The following DHX32 variants were observed in gnomAD, a reference collection of about 807,000 sequenced individuals.
The protein encoded by DHX32 is DEAH-box helicase 32 (putative).
A neutral mutation model predicts 70.0 loss-of-function variants in DHX32; 51 were observed. That is an observed-to-expected ratio of 0.73 (90% CI 0.58 to 0.92). The LOEUF (loss-of-function observed/expected upper bound fraction) is 0.92. Among genes scored for constraint, DHX32 ranks in the 40% least tolerant of loss-of-function variants. The pLI is 0.00. For synonymous variants in DHX32, 310 were observed against 315.3 expected (o/e 0.98, Z 0.18); for missense variants, 762 against 891.8 (o/e 0.85, Z 1.85).
chr10:125,884,205 T>A (rs1180195829), upstream of DHX32, among the ~76,000 whole-genome samples: 1 of 152,200 alleles, frequency 6.6e-6, no homozygotes, highest in Non-Finnish European at 1.5e-5. Context: ...TTGACTCCAA[T>A]AACATTCATA....
intron 3 of DHX32, among the ~76,000 whole-genome samples, chr10:125,858,776 A>G (rs1176802584): frequency 6.6e-6 from 1 of 152,146 alleles, no homozygotes; most frequent in Non-Finnish European, 1.5e-5. Flanking sequence ...AAGACAGGGA[A>G]AAAAGGCCAG....
intron 1 of DHX32, chr10:125,869,196 T>A (rs1188245605): frequency 6.6e-6 from 1 of 152,224 alleles, no homozygotes; most frequent in Non-Finnish European, 1.5e-5. Flanking sequence ...ATTGCCTTCA[T>A]GTCAGGGTCC....
intron 4 of DHX32, chr10:125,853,307 A>C: frequency 2.2e-6 from 2 of 912,596 alleles, no homozygotes; most frequent in Non-Finnish European, 3.2e-6. Flanking sequence ...GGCACCTAGT[A>C]ATGGTAAATT....
In DHX32 at chr10:125,864,929, C is replaced by CAAAAAAAAAAAAAA. The variant is rs61570718; in HGVS notation, c.476+2047_476+2060dup. On this transcript the variant is annotated intron_variant, in intron 2 of 10. Coordinates refer to ENST00000284690, the MANE Select transcript of DHX32 (RefSeq NM_018180.3). The stretch of plus-strand genomic sequence containing the variant: ...TGGGAGACAGAGTGGGACTCTGTCT[C>CAAAAAAAAAAAAAA]AAAAAAAAAAAAAAAAAAAAAAAAA... Among the ~76,000 whole-genome samples the CAAAAAAAAAAAAAA allele has an allele frequency of 4.2e-4, 23 of 54,224 alleles. 1 individual carries two copies. The highest frequency in any genetic ancestry group is 2.6e-3 in the East Asian group (3 of 1,160). The allele number at this position is 54,224 out of a possible 152,430, so 35.6% of individuals were successfully genotyped here.
chr10:125,885,056 A>G (rs1264409039), upstream of DHX32, among the ~76,000 whole-genome samples: 4 of 152,014 alleles, frequency 2.6e-5, no homozygotes, highest in Non-Finnish European at 4.4e-5. Context: ...CTACCTATGC[A>G]TCATCTCCCA....
upstream of DHX32, among the ~76,000 whole-genome samples, chr10:125,882,310 G>C (rs886831272): frequency 1.3e-5 from 2 of 152,184 alleles, no homozygotes; most frequent in Admixed American, 1.3e-4. Flanking sequence ...GCACTTTTCG[G>C]ATCACCTGGT....
Position 125,841,923 on chromosome 10 carries a change from A to G in DHX32, c.1363T>C (p.Leu455=), listed in dbSNP as rs905003463. ...DFMNRPAPES[L]MQALEDLDYL... ...TCTAAGTCTTCCAATGCCTGCATCA[A>G]ACTTTCTGGTGCTAGGAAAGGAAAA... Residue 455 remains leucine (L), a synonymous_variant, in exon 7 of 11, where the codon TTG becomes CTG. Transcript: ENST00000284690. The G allele has an allele frequency of 3.1e-6, 5 of 1,592,768 alleles. No individual in the cohort carries two copies. The African/African-American group carries it at 6.8e-5, about 22-fold the overall frequency.
chr10:125,860,856 C>G (rs1263686840), intron 2 of DHX32, among the ~76,000 whole-genome samples: 1 of 109,714 alleles, frequency 9.1e-6, no homozygotes, highest in East Asian at 2.3e-4. Context: ...CCCGGGTTCA[C>G]GCCATTCTGC....
At chr10:125,860,041 A>T in intron 2 of DHX32, 66 bp from the exon 3 acceptor site, 2 of 1,369,824 alleles carry the variant, frequency 1.5e-6, no homozygotes, top group South Asian at 3.4e-5. Flanking sequence ...CTTCCTAACA[A>T]GAAAAATGCC....
At chr10:125,876,016 A>G (rs1415103335) in intron 1 of DHX32, among the ~76,000 whole-genome samples, 2 of 152,234 alleles carry the variant, frequency 1.3e-5, no homozygotes, top group Non-Finnish European at 2.9e-5. Context: ...TCACTATTAT[A>G]GAACCTAAGA....
intron 1 of DHX32, among the ~76,000 whole-genome samples, chr10:125,876,750 C>T (rs895225299): frequency 6.6e-6 from 1 of 152,068 alleles, no homozygotes; most frequent in Non-Finnish European, 1.5e-5. Flanking sequence ...GGAGTTGTGT[C>T]AGATTAAAAA....
chr10:125,838,810 G>A (rs2134022091), intron 9 of DHX32, among the ~76,000 whole-genome samples, 191 bp downstream of exon 9: 1 of 152,322 alleles, frequency 6.6e-6, no homozygotes, highest in Admixed American at 6.5e-5. Context: ...TCTCCATTAA[G>A]ACTACATATT....
chr10:125,884,984 G>C (rs1314092490), upstream of DHX32, among the ~76,000 whole-genome samples: 1 of 152,012 alleles, frequency 6.6e-6, no homozygotes, highest in African/African-American at 2.4e-5. Flanking sequence ...ATCCATACTT[G>C]GATGTATGGG....
intron 1 of DHX32, among the ~76,000 whole-genome samples, chr10:125,887,948 C>G (rs1477267537): frequency 6.6e-6 from 1 of 152,168 alleles, no homozygotes; most frequent in East Asian, 1.9e-4. Flanking sequence ...GTAAAACATT[C>G]TAAGAAATAT....
chr10:125,836,964 G>A (rs755612965), intron 10 of DHX32, 109 bp from the exon 11 acceptor site: 33 of 916,702 alleles, frequency 3.6e-5, no homozygotes, highest in Admixed American at 2.6e-4. Context: ...CTGTAGAACC[G>A]GTATTTAATT....
At chr10:125,883,819 A>G (rs1185676714), upstream of DHX32, among the ~76,000 whole-genome samples, 1 of 152,210 alleles carries the variant, frequency 6.6e-6, no homozygotes, top group Non-Finnish European at 1.5e-5. Context: ...TGATGTCCTC[A>G]GATGTCTCCG....
Position 125,839,019 on chromosome 10 carries a change from C to A in DHX32, c.1863G>T (p.Leu621=). Reference sequence around the variant, plus strand: ...TTCTCACCTGCATAAAGTAACCGGACAGAAGAGCTTTCTTTATGTTTAGAG... The same window carrying A: ...TTCTCACCTGCATAAAGTAACCGGAAAGAAGAGCTTTCTTTATGTTTAGAG... The part of the protein sequence containing the change: ...ENTLNIKKAL[L]SGYFMQIARD... Residue 621 remains leucine (L), a synonymous_variant, in exon 9 of 11, where the codon CTG becomes CTT. Coordinates refer to ENST00000284690, the MANE Select transcript of DHX32 (RefSeq NM_018180.3). The A allele has an allele frequency of 1.2e-6, 2 of 1,613,998 alleles. No homozygotes were observed. The highest frequency in any genetic ancestry group is 2.2e-5 in the South Asian group (2 of 91,068).
intron 6 of DHX32, among the ~76,000 whole-genome samples, chr10:125,849,045 C>T (rs1257756211): frequency 6.6e-6 from 1 of 152,146 alleles, no homozygotes; most frequent in Non-Finnish European, 1.5e-5. Context: ...CCCAGTTTAC[C>T]CAGGGCAGTA....
chr10:125,837,018 T>A (rs1208598274), intron 10 of DHX32, among the ~76,000 whole-genome samples, 163 bp from the exon 11 acceptor site: 1 of 152,230 alleles, frequency 6.6e-6, no homozygotes, highest in Non-Finnish European at 1.5e-5. Context: ...AAATAAATAC[T>A]TTCTGTTTTT....
Sources: allele counts gnomAD v4.1 joint callset (sites outside exome capture counted in the v4.1 genomes callset), GRCh38; gene constraint gnomAD v4.1.1; transcripts MANE v1.5; gene names NCBI Gene and HGNC (gene_info 2026-07-23, HGNC 2026-07-21).